Variants in CHFR observed in about 807,000 individuals in gnomAD.
CHFR encodes the protein checkpoint with forkhead and ring finger domains, also known as E3 ubiquitin-protein ligase CHFR.
Under a neutral mutation model 87.6 loss-of-function variants are expected in CHFR, and 57 were observed. That is an observed-to-expected ratio of 0.65 (90% confidence interval 0.53 to 0.81). The LOEUF (loss-of-function observed/expected upper bound fraction) is 0.81, where lower values mean the gene tolerates loss of function less well. Ranked by LOEUF, CHFR falls within the 30% of genes least tolerant of loss-of-function variation. The probability of loss-of-function intolerance (pLI) is 0.00; values close to 1 mark genes in which losing one functional copy is unlikely to be tolerated. For missense variants in CHFR, 797 were observed against 865.8 expected, an observed-to-expected ratio of 0.92 and a Z score of 1.00; for synonymous variants, 381 against 359.2, an observed-to-expected ratio of 1.06 and a Z score of -0.69.
Position 132,857,413 on chromosome 12 carries a change from T to A in CHFR, c.1058A>T (p.Gln353Leu). 1 of 1,614,184 alleles carries A rather than the reference T, an allele frequency of 6.2e-7. No homozygotes were observed. Among genetic ancestry groups the A allele is most frequent in the Non-Finnish European group, 8.5e-7 (1 of 1,180,012 alleles). The change falls in exon 9 of 18, where the codon CAG becomes CTG. Residue 353 changes from glutamine to leucine, a missense_variant. By Grantham distance (113) the Gln-to-Leu change is moderately radical (BLOSUM62 -2). Coordinates refer to ENST00000450056, the MANE Select transcript of CHFR (RefSeq NM_001161346.2). ...LNNLVEAYLI[Q>L]HPDKSRSEED... Reference sequence around the variant, plus strand: ...TGGATGCCCTCACTTGCCTGGATGCTGGATGAGGTATGCTTCCACGAGGTT... The same window carrying A: ...TGGATGCCCTCACTTGCCTGGATGCAGGATGAGGTATGCTTCCACGAGGTT...
At chr12:132,886,933 G>C (rs1951908773) in intron 2 of CHFR, among the ~76,000 whole-genome samples, 1 of 152,166 alleles carries the variant, frequency 6.6e-6, no homozygotes, top group Non-Finnish European at 1.5e-5. Context: ...AAGATACTCT[G>C]TACGGCAACG....
Position 132,887,175 on chromosome 12 carries a change from GC to G in CHFR, c.133+20del, listed in dbSNP as rs1403766132. The G allele has an allele frequency of 2.7e-6, 4 of 1,468,988 alleles. No individual in the cohort carries two copies. The East Asian group carries it at 1.2e-4, about 44-fold the overall frequency. The allele number at this position is 1,468,988 out of a possible 1,614,324, so 91.0% of individuals were successfully genotyped here. A position where few individuals can be genotyped will look rare whatever the true frequency, so the allele number is the denominator to read the frequency against. Reference sequence around the variant, plus strand: ...TGGCTCTGCCCGGCCCCGGCCCCCGGCCCCGGCCTCAGCCCCGCACCTCGTC... The same window carrying G: ...TGGCTCTGCCCGGCCCCGGCCCCCGGCCCGGCCTCAGCCCCGCACCTCGTC... On this transcript the variant is annotated intron_variant, in intron 2 of 17. Coordinates refer to ENST00000450056, the MANE Select transcript of CHFR (RefSeq NM_001161346.2).
rs1248925002 is a variant in CHFR at position 132,856,452 on chromosome 12, CA to C, written c.1229+15del. 6.2e-7 allele frequency: 1 copy of C among 1,613,412 alleles called. No homozygotes were observed. Among genetic ancestry groups the C allele is most frequent in the Admixed American group, 1.7e-5 (1 of 60,016 alleles). The stretch of plus-strand genomic sequence containing the variant: ...CTGGCTCACACACTCTGCTCTGAGC[CA>C]GGGGCATGATTTACCTAATGTCTGA... On this transcript the variant is annotated intron_variant, in intron 10 of 17. Transcript: ENST00000450056.
Position 132,836,778 on chromosome 12 carries a change from T to A in CHFR, c.*4776A>T, listed in dbSNP as rs1950650848. 2.2e-6 allele frequency: 1 copy of A among 455,818 alleles called. No homozygotes were observed. Among genetic ancestry groups the A allele is most frequent in the Admixed American group, 2.4e-5 (1 of 42,544 alleles). 28.2% of individuals were successfully genotyped at this position (455,818 alleles called of 1,614,324 possible). A position where few individuals can be genotyped will look rare whatever the true frequency, so the allele number is the denominator to read the frequency against. On this transcript the variant is annotated 3_prime_UTR_variant, in exon 18 of 18. Coordinates refer to ENST00000450056, the MANE Select transcript of CHFR (RefSeq NM_001161346.2). ...GCGCCTGTTTGTGCCGCGGGAAAGA[T>A]TTCAAGCCCAGGGGACGGCTCATCA...
chr12:132,876,875 A>G (rs566741579), intron 3 of CHFR, among the ~76,000 whole-genome samples: 18 of 152,276 alleles, frequency 1.2e-4, no homozygotes, highest in African/African-American at 4.3e-4. Context: ...GCTCACCACA[A>G]TCTCCGACTC....
In CHFR at chr12:132,837,012, T is replaced by C. The variant is rs914472800; in HGVS notation, c.*4542A>G. The C allele has an allele frequency of 5.9e-6, 2 of 340,760 alleles. No homozygotes were observed. The highest frequency in any genetic ancestry group is 7.9e-5 in the East Asian group (1 of 12,660). 21.1% of individuals were successfully genotyped at this position (340,760 alleles called of 1,614,324 possible). On this transcript the variant is annotated 3_prime_UTR_variant, in exon 18 of 18. Coordinates refer to ENST00000450056, the MANE Select transcript of CHFR (RefSeq NM_001161346.2). ...GGGGAAACTAGACTGGCTGGCGGGG[T>C]GGGGGCAGCCCTGCAGGAGCTGAAT...
In CHFR at chr12:132,840,301, C is replaced by T. The variant is rs1259444324; in HGVS notation, c.*1253G>A. On this transcript the variant is annotated 3_prime_UTR_variant, in exon 18 of 18. Transcript: ENST00000450056. ...GCTCACTCTGCATGGGGCCTGCCTC[C>T]CTCGCATGGGGAAGTGAGGCAGCCC... The T allele has an allele frequency of 1.3e-5, 2 of 149,922 alleles. No homozygotes were observed. Among genetic ancestry groups the T allele is most frequent in the African/African-American group, 2.5e-5 (1 of 40,808 alleles). The allele number at this position is 149,922 out of a possible 1,614,324, so 9.3% of individuals were successfully genotyped here. A position where few individuals can be genotyped will look rare whatever the true frequency, so the allele number is the denominator to read the frequency against.
chr12:132,847,461 C>T, intron 14 of CHFR: 1 of 1,111,576 alleles, frequency 9.0e-7, no homozygotes, highest in Non-Finnish European at 1.1e-6. Context: ...CAGGCTGTTG[C>T]ACAAGAAAAG....
rs1951073448 is a variant in CHFR at position 132,856,511 on chromosome 12, G to C, written c.1186C>G (p.Leu396Val). Reference sequence around the variant, plus strand: ...CTGTCAACGTCTGACAGCTCCAGCAGGTCCTCTGAACTCCCTTCTTCATCA... The same window carrying C: ...CTGTCAACGTCTGACAGCTCCAGCACGTCCTCTGAACTCCCTTCTTCATCA... ...FSDEEGSSEDLLELSDVDSES... is the reference protein window; with the variant it reads ...FSDEEGSSEDVLELSDVDSES... The change falls in exon 10 of 18, where the codon CTG (leucine) becomes GTG (valine). Residue 396 changes from leucine (L) to valine (V), a missense_variant. This residue lies in a region of CHFR where 597 missense variants were observed against 601.2 expected (regional missense o/e 0.99). Transcript: ENST00000450056. 1 of 1,614,194 alleles carries C rather than the reference G, an allele frequency of 6.2e-7. No homozygotes were observed.
intron 17 of CHFR, among the ~76,000 whole-genome samples, chr12:132,842,802 T>G (rs1304116576): frequency 2.6e-5 from 4 of 152,094 alleles, no homozygotes; most frequent in African/African-American, 9.7e-5. Context: ...ATAAAGCTAC[T>G]CCAGCCAGGA....
intron 15 of CHFR, among the ~76,000 whole-genome samples, chr12:132,846,424 G>A (rs535246412): frequency 0.019 from 2,874 of 152,002 alleles, 41 homozygotes; most frequent in Non-Finnish European, 0.029. Context: ...CACCACGCCC[G>A]GCTAATTTTT....
At chr12:132,847,976 G>A (rs1027448406) in intron 14 of CHFR, 109 bp downstream of exon 14, 227 of 1,557,128 alleles carry the variant, frequency 1.5e-4, no homozygotes, top group Middle Eastern at 1.4e-3. Flanking sequence ...TCCCCAACCC[G>A]CAGCGGGTCA....
chr12:132,860,507 G>A (rs1045829244), intron 7 of CHFR, among the ~76,000 whole-genome samples: 7 of 152,048 alleles, frequency 4.6e-5, no homozygotes, highest in Non-Finnish European at 8.8e-5. Flanking sequence ...TCAACCCCAC[G>A]TGTCAGATAA....
intron 2 of CHFR, among the ~76,000 whole-genome samples, chr12:132,881,415 G>A (rs1951766766): frequency 6.6e-6 from 1 of 152,106 alleles, no homozygotes; most frequent in Non-Finnish European, 1.5e-5. Context: ...TAAATAGAAA[G>A]TAAATAATGC....
At position 132,841,568 on chromosome 12, in the gene CHFR, T is replaced by C; in HGVS notation, c.1945A>G (p.Arg649Gly). ...MKFNHICEQT[R>G]FKN The stretch of plus-strand genomic sequence containing the variant: ...CCTCTGGATGCTTAGTTTTTGAACC[T>C]TGTCTGTTCACAGATATGATTGAAT... Residue 649 changes from arginine to glycine, a missense_variant, in exon 18 of 18, where the codon AGG (arginine) becomes GGG (glycine). By Grantham distance (125) the Arg-to-Gly change is moderately radical. This residue lies in a region of CHFR where 200 missense variants were observed against 264.6 expected (regional missense o/e 0.76). Coordinates refer to ENST00000450056, the MANE Select transcript of CHFR (RefSeq NM_001161346.2). 1 of 1,613,988 alleles carries C rather than the reference T, an allele frequency of 6.2e-7. No homozygotes were observed. The highest frequency in any genetic ancestry group is 8.5e-7 in the Non-Finnish European group (1 of 1,179,854).
intron 15 of CHFR, among the ~76,000 whole-genome samples, chr12:132,844,520 G>GC (rs1311817967): frequency 8.5e-6 from 1 of 117,318 alleles, no homozygotes; most frequent in Non-Finnish European, 2.2e-5. Context: ...TCCTGACCTC[G>GC]TGATCCACCC....
At chr12:132,843,924 G>C in intron 16 of CHFR, 103 bp downstream of exon 16, 1 of 689,856 alleles carries the variant, frequency 1.4e-6, no homozygotes, top group Non-Finnish European at 2.6e-6. Context: ...ACTCCAGCCT[G>C]GGCAAAAACA....
At chr12:132,879,194 C>T (rs1226576286) in intron 2 of CHFR, among the ~76,000 whole-genome samples, 2 of 151,080 alleles carry the variant, frequency 1.3e-5, no homozygotes, top group African/African-American at 2.4e-5. Context: ...TTAGTAGAGA[C>T]GGGGTTTCAC....
intron 2 of CHFR, among the ~76,000 whole-genome samples, chr12:132,884,638 C>CTCTT (rs1379839395): frequency 6.6e-6 from 1 of 152,026 alleles, no homozygotes; most frequent in Non-Finnish European, 1.5e-5. Context: ...GGCTGGTGCC[C>CTCTT]TCTTAAGAGG....
Sources: gnomAD v4.1 joint callset for allele counts (sites outside exome capture counted in the v4.1 genomes callset) on GRCh38, gnomAD v4.1.1 for gene constraint, gnomAD v4.1.1 regional missense constraint, MANE v1.5 for transcripts, NCBI Gene and HGNC (gene_info 2026-07-23, HGNC 2026-07-21) for gene names.